The following SH3BGRL2 variants were observed in gnomAD, a reference collection of about 807,000 sequenced individuals.
The protein encoded by SH3BGRL2 is SH3 domain-binding glutamic acid-rich-like protein 2.
A neutral mutation model predicts 14.8 loss-of-function variants in SH3BGRL2; 21 were observed. The ratio of observed to expected loss-of-function variants is 1.42; its 90% confidence interval spans 1.01 to 2.05. SH3BGRL2 has a LOEUF of 2.05. SH3BGRL2 is among the 30% of genes most tolerant of loss of function. The pLI, the probability that SH3BGRL2 is intolerant of heterozygous loss-of-function variation, is 0.00. For synonymous variants in SH3BGRL2, 50 were observed against 47.8 expected (o/e 1.05, Z -0.19); for missense variants, 147 against 130.8 (o/e 1.12, Z -0.61).
At chr6:79,649,906 G>A (rs1042090318) in intron 1 of SH3BGRL2, among the ~76,000 whole-genome samples, 7 of 152,012 alleles carry the variant, frequency 4.6e-5, no homozygotes, top group Non-Finnish European at 7.4e-5. Flanking sequence ...AAACGTCTGA[G>A]TGAACCTCTT....
chr6:79,568,027 T>A, the SH3BGRL2 span, among the ~76,000 whole-genome samples: 1 of 152,170 alleles, frequency 6.6e-6, no homozygotes, highest in Non-Finnish European at 1.5e-5. Flanking sequence ...AAATATCATT[T>A]TGTACCCAAA....
chr6:79,589,741 A>G, the SH3BGRL2 span, among the ~76,000 whole-genome samples: 1 of 152,128 alleles, frequency 6.6e-6, no homozygotes, highest in South Asian at 2.1e-4. Flanking sequence ...AAAAACTACA[A>G]CATTGGAAAA....
Position 79,631,352 on chromosome 6 carries a change from G to A in SH3BGRL2, c.-110G>A. 3 of 1,002,636 alleles carry A rather than the reference G, an allele frequency of 3.0e-6. No homozygotes were observed. The highest frequency in any genetic ancestry group is 4.9e-5 in the South Asian group (2 of 40,878). The allele number at this position is 1,002,636 out of a possible 1,614,324, so 62.1% of individuals were successfully genotyped here. On this transcript the variant is annotated 5_prime_UTR_variant, in exon 1 of 4. Coordinates refer to ENST00000369838, the MANE Select transcript of SH3BGRL2 (RefSeq NM_031469.4). ...CCAGATCCCAGCGATCTTCCCCGAC[G>A]GCAGCGCTTTACCCAGAGGCTGCCG... is the stretch of plus-strand genomic sequence containing the variant.
chr6:79,569,712 T>G, the SH3BGRL2 span, among the ~76,000 whole-genome samples: 1 of 151,828 alleles, frequency 6.6e-6, no homozygotes, highest in Non-Finnish European at 1.5e-5. Flanking sequence ...GTCAGGGGGG[T>G]GCTTAGAATT....
the SH3BGRL2 span, among the ~76,000 whole-genome samples, chr6:79,605,791 G>A: frequency 1.3e-5 from 2 of 152,156 alleles, no homozygotes; most frequent in African/African-American, 2.4e-5. Context: ...ACATTCAAAA[G>A]AGAAATTATC....
chr6:79,681,862 G>A (rs1290695737), intron 2 of SH3BGRL2, among the ~76,000 whole-genome samples: 1 of 151,984 alleles, frequency 6.6e-6, no homozygotes, highest in East Asian at 1.9e-4. Flanking sequence ...TGAGACAGGA[G>A]AATCGCTTGA....
intron 1 of SH3BGRL2, among the ~76,000 whole-genome samples, chr6:79,671,091 A>G (rs1769762446): frequency 6.6e-6 from 1 of 152,116 alleles, no homozygotes; most frequent in Admixed American, 6.5e-5. Context: ...TGGGTAAATA[A>G]CTACCATTGT....
At chr6:79,614,571 G>T in the SH3BGRL2 span, among the ~76,000 whole-genome samples, 2 of 152,276 alleles carry the variant, frequency 1.3e-5, no homozygotes, top group Admixed American at 1.3e-4. Context: ...TACACAGCTT[G>T]GGAGGCAGAC....
intron 2 of SH3BGRL2, among the ~76,000 whole-genome samples, chr6:79,684,363 A>G (rs1189785516): frequency 1.3e-5 from 2 of 152,118 alleles, no homozygotes; most frequent in African/African-American, 4.8e-5. Context: ...TATTACTGCT[A>G]GTATGATATT....
At chr6:79,611,673 A>G in the SH3BGRL2 span, among the ~76,000 whole-genome samples, 1 of 152,102 alleles carries the variant, frequency 6.6e-6, no homozygotes, top group South Asian at 2.1e-4. Context: ...CGGCCTCCCA[A>G]AGTGCTGGGA....
the SH3BGRL2 span, among the ~76,000 whole-genome samples, chr6:79,582,439 T>C: frequency 6.6e-6 from 1 of 152,038 alleles, no homozygotes; most frequent in Non-Finnish European, 1.5e-5. Flanking sequence ...AAAACAGATA[T>C]ATAGAACAAT....
intron 1 of SH3BGRL2, among the ~76,000 whole-genome samples, chr6:79,640,596 C>T (rs1769011223): frequency 6.6e-6 from 1 of 151,980 alleles, no homozygotes; most frequent in Non-Finnish European, 1.5e-5. Flanking sequence ...CTCTTTTGAG[C>T]TGGTTGAGTA....
At position 79,631,520 on chromosome 6, in the gene SH3BGRL2, G is replaced by A. The variant is rs1369168223; in HGVS notation, c.45+14G>A. 1.4e-6 allele frequency: 2 copies of A among 1,454,678 alleles called. No homozygotes were observed. The highest frequency in any genetic ancestry group is 1.5e-5 in the South Asian group (1 of 67,256). The allele number at this position is 1,454,678 out of a possible 1,614,324, so 90.1% of individuals were successfully genotyped here. ...GGCTTCGTGGCGGTGAGCGCGGTGG[G>A]GGCGGGCAGTAGGTTGGGGTCGCGG... On this transcript the variant is annotated intron_variant, in intron 1 of 3. Transcript: ENST00000369838.
chr6:79,679,644 A>G (rs1769952132), intron 2 of SH3BGRL2, among the ~76,000 whole-genome samples: 1 of 151,942 alleles, frequency 6.6e-6, no homozygotes, highest in Admixed American at 6.6e-5. Flanking sequence ...TTTTGGGGGG[A>G]ACAGCCAAAC....
chr6:79,605,531 T>A, the SH3BGRL2 span, among the ~76,000 whole-genome samples: 1 of 152,252 alleles, frequency 6.6e-6, no homozygotes, highest in Non-Finnish European at 1.5e-5. Context: ...CCACCTTGAA[T>A]TTTTAAAGTT....
chr6:79,585,795 A>G, the SH3BGRL2 span, among the ~76,000 whole-genome samples: 3 of 151,878 alleles, frequency 2.0e-5, no homozygotes, highest in Non-Finnish European at 2.9e-5. Flanking sequence ...CTTTTAATCA[A>G]GATATAGCTG....
At chr6:79,544,299 C>T in the SH3BGRL2 span, among the ~76,000 whole-genome samples, 1 of 152,258 alleles carries the variant, frequency 6.6e-6, no homozygotes, top group East Asian at 1.9e-4. Flanking sequence ...AAGCTCAGCT[C>T]CAACCCTTCA....
chr6:79,614,743 C>A, the SH3BGRL2 span, among the ~76,000 whole-genome samples: 4 of 152,160 alleles, frequency 2.6e-5, no homozygotes, highest in Admixed American at 2.6e-4. Context: ...CTGAGTCAGG[C>A]TTGTTGGTGG....
At chr6:79,629,754 T>G (rs997969779), upstream of SH3BGRL2, among the ~76,000 whole-genome samples, 15 of 152,236 alleles carry the variant, frequency 9.9e-5, no homozygotes, top group African/African-American at 3.6e-4. Context: ...TGTCTTGTTC[T>G]GTCACTATTT....
Sources: gnomAD v4.1 joint callset for allele counts (sites outside exome capture counted in the v4.1 genomes callset) on GRCh38, gnomAD v4.1.1 for gene constraint, MANE v1.5 for transcripts, NCBI Gene and HGNC (gene_info 2026-07-23, HGNC 2026-07-21) for gene names.